Variants in USP13 observed in about 807,000 individuals in gnomAD.
The protein encoded by USP13 is ubiquitin carboxyl-terminal hydrolase 13.
A neutral mutation model predicts 107.8 loss-of-function variants in USP13; 68 were observed. The observed-to-expected ratio is 0.63, with a 90% CI of 0.52 to 0.77. The LOEUF (loss-of-function observed/expected upper bound fraction) is 0.77. Among genes scored for constraint, USP13 ranks in the 30% least tolerant of loss-of-function variants. The probability of loss-of-function intolerance (pLI) is 0.00; values close to 1 mark genes in which losing one functional copy is unlikely to be tolerated. For missense variants in USP13, 945 were observed against 1,093.3 expected, an observed-to-expected ratio of 0.86 and a Z score of 1.91; for synonymous variants, 377 against 389.5, an observed-to-expected ratio of 0.97 and a Z score of 0.38.
In USP13 at chr3:179,765,832, C is replaced by T; in HGVS notation, c.2397C>T (p.Val799=). Residue 799 remains valine (V), a synonymous_variant, in exon 19 of 21, where the codon GTC becomes GTT. Coordinates refer to ENST00000263966, the MANE Select transcript of USP13 (RefSeq NM_003940.3). ...ISEAKPEGPR[V]KDGSGTYELF... Reference sequence around the variant, plus strand: ...AGGCCAAGCCCGAAGGACCTAGAGTCAAGGATGGATCTGGAAGTAAGTTCT... The same window carrying T: ...AGGCCAAGCCCGAAGGACCTAGAGTTAAGGATGGATCTGGAAGTAAGTTCT... 1.2e-6 allele frequency: 2 copies of T among 1,614,066 alleles called. No homozygotes were observed. Among genetic ancestry groups the T allele is most frequent in the Non-Finnish European group, 1.7e-6 (2 of 1,180,002 alleles).
chr3:179,728,466 C>T (rs6772282), intron 8 of USP13, among the ~76,000 whole-genome samples: 4,648 of 149,348 alleles, frequency 0.031, 239 homozygotes, highest in African/African-American at 0.11. Context: ...GATGGGATGG[C>T]GGCCGGGCAG....
intron 19 of USP13, among the ~76,000 whole-genome samples, chr3:179,778,954 G>A (rs1293363844): frequency 6.6e-6 from 1 of 151,822 alleles, no homozygotes; most frequent in Non-Finnish European, 1.5e-5. Flanking sequence ...TCTCAATGAA[G>A]TGATGAGTGA....
chr3:179,672,846 T>A (rs1448403541), intron 1 of USP13, among the ~76,000 whole-genome samples: 5 of 152,212 alleles, frequency 3.3e-5, no homozygotes, highest in African/African-American at 1.2e-4. Context: ...TTGGTCAAAT[T>A]TCTGGTTAGT....
At chr3:179,775,299 C>T (rs114593844) in intron 19 of USP13, among the ~76,000 whole-genome samples, 4,413 of 152,086 alleles carry the variant, frequency 0.029, 130 homozygotes, top group Middle Eastern at 0.14. Context: ...TAAACGTTCT[C>T]GAAGTCCCCA....
At chr3:179,682,257 A>AAAC (rs1553788680) in intron 2 of USP13, among the ~76,000 whole-genome samples, 2 of 151,270 alleles carry the variant, frequency 1.3e-5, no homozygotes, top group Non-Finnish European at 2.9e-5. Context: ...GAAAAAAAAA[A>AAAC]CCGAAACTAG....
intron 16 of USP13, among the ~76,000 whole-genome samples, chr3:179,757,877 A>T (rs771420636): frequency 6.6e-6 from 1 of 152,200 alleles, no homozygotes; most frequent in Non-Finnish European, 1.5e-5. Context: ...TGATCTTCAC[A>T]TGCAACCTGG....
intron 4 of USP13, among the ~76,000 whole-genome samples, chr3:179,702,464 C>T (rs1170059654): frequency 2.6e-5 from 4 of 152,204 alleles, no homozygotes; most frequent in Non-Finnish European, 5.9e-5. Flanking sequence ...AGAACCAAAG[C>T]CAGCTCTTTA....
chr3:179,728,925 G>A lies in USP13; in HGVS notation c.1089-1264G>A, dbSNP rs916861449. On this transcript the variant is annotated intron_variant, in intron 8 of 20. Transcript: ENST00000263966. ...CAGCAGTACCGTCCAGCTTCAGCTC[G>A]GCATCAGAGGGAGACCGTGGAGAGA... 1.1e-4 allele frequency among the ~76,000 whole-genome samples: 16 copies of A among 142,074 alleles called. 1 individual carries two copies. The highest frequency in any genetic ancestry group is 3.9e-4 in the African/African-American group (16 of 40,624). 93.2% of individuals were successfully genotyped at this position (142,074 alleles called of 152,430 possible). A position where few individuals can be genotyped will look rare whatever the true frequency, so the allele number is the denominator to read the frequency against.
chr3:179,708,197 G>A (rs1158710182), intron 5 of USP13, among the ~76,000 whole-genome samples: 1 of 152,160 alleles, frequency 6.6e-6, no homozygotes, highest in Non-Finnish European at 1.5e-5. Flanking sequence ...GAAGTTTTGT[G>A]TCAGTTTTCG....
chr3:179,779,175 A>G (rs562293767), intron 19 of USP13, among the ~76,000 whole-genome samples: 2 of 151,940 alleles, frequency 1.3e-5, no homozygotes, highest in Admixed American at 1.3e-4. Flanking sequence ...ACTCAGTGAT[A>G]CAGAGAGCCA....
intron 7 of USP13, 92 bp downstream of exon 7, chr3:179,720,126 C>A: frequency 1.2e-6 from 1 of 866,238 alleles, no homozygotes; most frequent in Non-Finnish European, 1.7e-6. Flanking sequence ...ATATATAATT[C>A]CTCTAACGTG....
chr3:179,665,671 C>T (rs554518349), intron 1 of USP13, among the ~76,000 whole-genome samples: 12 of 151,460 alleles, frequency 7.9e-5, no homozygotes, highest in Middle Eastern at 3.4e-3. Flanking sequence ...CTGCCACCTC[C>T]GCCTCCTCGA....
chr3:179,654,300 G>T (rs1205094772), intron 1 of USP13, among the ~76,000 whole-genome samples: 1 of 151,954 alleles, frequency 6.6e-6, no homozygotes, highest in Non-Finnish European at 1.5e-5. Flanking sequence ...GATTGCGATG[G>T]TTTTCTTAAG....
chr3:179,751,649 A>G (rs1714614748), intron 13 of USP13, among the ~76,000 whole-genome samples: 1 of 152,228 alleles, frequency 6.6e-6, no homozygotes, highest in Admixed American at 6.5e-5. Flanking sequence ...GAAAAAATAA[A>G]TGGTTGAAAA....
At chr3:179,748,861 GC>G (rs1714499921) in intron 13 of USP13, among the ~76,000 whole-genome samples, 1 of 152,180 alleles carries the variant, frequency 6.6e-6, no homozygotes, top group Non-Finnish European at 1.5e-5. Context: ...TGATCTCACT[GC>G]CATAAGCCCA....
intron 13 of USP13, among the ~76,000 whole-genome samples, chr3:179,751,033 G>T (rs1278342118): frequency 6.6e-6 from 1 of 152,184 alleles, no homozygotes; most frequent in Non-Finnish European, 1.5e-5. Context: ...TGGAATAGGG[G>T]AGGATATTCT....
intron 3 of USP13, among the ~76,000 whole-genome samples, chr3:179,693,116 T>C (rs1176369232): frequency 1.3e-5 from 2 of 152,166 alleles, no homozygotes; most frequent in Non-Finnish European, 2.9e-5. Context: ...CCAGGTTCTT[T>C]ACAAATTTAC....
Position 179,730,813 on chromosome 3 carries a change from G to A in USP13, c.1254+104G>A, listed in dbSNP as rs904718662. On this transcript the variant is annotated intron_variant, in intron 10 of 20. Coordinates refer to ENST00000263966, the MANE Select transcript of USP13 (RefSeq NM_003940.3). ...ATGGTGGCCATAAATTTAGCAAGCT[G>A]TCAGAATAGTAATGTCATTTCAGTG... 4.8e-5 allele frequency: 48 copies of A among 1,001,752 alleles called. No homozygotes were observed. The Admixed American group carries it at 6.3e-4, about 13-fold the overall frequency. 62.1% of individuals were successfully genotyped at this position (1,001,752 alleles called of 1,614,324 possible).
At chr3:179,655,558 T>G (rs6775924) in intron 1 of USP13, among the ~76,000 whole-genome samples, 37,533 of 75,340 alleles carry the variant, frequency 0.5, 6,057 homozygotes, top group South Asian at 0.55. Flanking sequence ...GTTTTTTTTG[T>G]TTTGTTTTGT....
Sources: allele counts gnomAD v4.1 joint callset (sites outside exome capture counted in the v4.1 genomes callset), GRCh38; gene constraint gnomAD v4.1.1; transcripts MANE v1.5; gene names NCBI Gene and HGNC (gene_info 2026-07-23, HGNC 2026-07-21).